The following MAGI1 variants were observed in gnomAD, a reference collection of about 807,000 sequenced individuals.
The protein encoded by MAGI1 is membrane-associated guanylate kinase, WW and PDZ domain-containing protein 1.
MAGI1 carries 58 observed loss-of-function variants against 139.9 expected under a neutral mutation model. The observed-to-expected ratio is 0.41, with a 90% CI of 0.34 to 0.52. The LOEUF is 0.52. Among genes scored for constraint, MAGI1 ranks in the 20% least tolerant of loss-of-function variants. The probability of loss-of-function intolerance (pLI) is 0.12; values close to 1 mark genes in which losing one functional copy is unlikely to be tolerated. For synonymous variants in MAGI1, 812 were observed against 737.9 expected, an observed-to-expected ratio of 1.10 and a Z score of -1.63; for missense variants, 1,874 against 1,901.6, an observed-to-expected ratio of 0.99 and a Z score of 0.27.
At chr3:65,611,023 GTGTA>G (rs199524345) in intron 2 of MAGI1, among the ~76,000 whole-genome samples, 8 of 127,148 alleles carry the variant, frequency 6.3e-5, no homozygotes, top group African/African-American at 1.2e-4. Context: ...TACATATAGT[GTGTA>G]TATAGTATAT....
intron 16 of MAGI1, chr3:65,380,836 T>A (rs908630110): frequency 2.6e-5 from 4 of 152,194 alleles, no homozygotes; most frequent in African/African-American, 9.7e-5. Flanking sequence ...TGGAATAGTA[T>A]GTTAAGAAGG....
At chr3:65,890,108 G>A (rs966507869) in intron 1 of MAGI1, among the ~76,000 whole-genome samples, 1 of 128,014 alleles carries the variant, frequency 7.8e-6, no homozygotes, top group Admixed American at 7.7e-5. Context: ...GCTCACGCCT[G>A]TAATCCCGGC....
At chr3:65,885,657 G>A (rs916605350) in intron 1 of MAGI1, among the ~76,000 whole-genome samples, 5 of 152,012 alleles carry the variant, frequency 3.3e-5, no homozygotes, top group African/African-American at 1.2e-4. Flanking sequence ...GTTTTATAAA[G>A]GGCAGTTCCC....
intron 1 of MAGI1, among the ~76,000 whole-genome samples, chr3:65,857,591 T>G (rs2059413814): frequency 6.6e-6 from 1 of 152,202 alleles, no homozygotes; most frequent in Admixed American, 6.5e-5. Context: ...ATATTTGCCA[T>G]ACCATATCGT....
At chr3:65,662,754 G>A (rs972134679) in intron 1 of MAGI1, among the ~76,000 whole-genome samples, 2 of 151,944 alleles carry the variant, frequency 1.3e-5, no homozygotes, top group Middle Eastern at 3.2e-3. Context: ...TCCAGTATAC[G>A]ATATTATTAA....
At chr3:65,831,394 A>T (rs1216168997) in intron 1 of MAGI1, among the ~76,000 whole-genome samples, 1 of 152,234 alleles carries the variant, frequency 6.6e-6, no homozygotes, top group East Asian at 1.9e-4. Flanking sequence ...TGAAACCCAA[A>T]GCTAGTGAGT....
rs147831736 is a variant in MAGI1 at position 65,652,460 on chromosome 3, T to C, written c.314-30372A>G. Among the ~76,000 whole-genome samples the C allele has an allele frequency of 3.8e-3, 575 of 152,292 alleles. 7 individuals carry two copies. The highest frequency in any genetic ancestry group is 0.013 in the African/African-American group (538 of 41,558). On this transcript the variant is annotated intron_variant, in intron 1 of 22. Transcript: ENST00000402939. The stretch of plus-strand genomic sequence containing the variant: ...ATATGTTAGCGGCACCCCTGGTCTC[T>C]GTCCACAAGACACCACATGCCAGTA...
chr3:65,797,525 C>A (rs998216878), intron 1 of MAGI1, among the ~76,000 whole-genome samples: 1 of 152,082 alleles, frequency 6.6e-6, no homozygotes, highest in African/African-American at 2.4e-5. Context: ...GAGTTCGAGA[C>A]CAGCCTGGGC....
chr3:65,644,543 G>A (rs193229953), intron 1 of MAGI1, among the ~76,000 whole-genome samples: 1 of 151,868 alleles, frequency 6.6e-6, no homozygotes, highest in Non-Finnish European at 1.5e-5. Context: ...CTGAGTGACA[G>A]AGTAAGCCCT....
Position 65,470,323 on chromosome 3 carries a change from C to T in MAGI1, c.919G>A (p.Glu307Lys). Residue 307 changes from glutamate to lysine, a missense_variant, in exon 5 of 23, where the codon GAG (glutamate) becomes AAG (lysine). By Grantham distance (56) the Glu-to-Lys change is moderately conservative. Around this residue, in one of 5 missense-constraint regions of MAGI1, gnomAD observed 648 missense variants for 598.1 expected, o/e 1.08. Coordinates refer to ENST00000402939, the MANE Select transcript of MAGI1 (RefSeq NM_001033057.2). The stretch of plus-strand genomic sequence containing the variant: ...TCTCCATTTTCAGTATAGGCCATCT[C>T]CCAGTTTTCAGGTAGAGGACCTAAA... ...DNLGPLPENW[E>K]MAYTENGEVY... 6.2e-7 allele frequency: 1 copy of T among 1,613,264 alleles called. No individual in the cohort carries two copies. The highest frequency in any genetic ancestry group is 8.5e-7 in the Non-Finnish European group (1 of 1,179,398).
intron 2 of MAGI1, among the ~76,000 whole-genome samples, chr3:65,606,585 T>G (rs138633391): frequency 1.8e-3 from 271 of 152,256 alleles, no homozygotes; most frequent in African/African-American, 6.0e-3. Flanking sequence ...TGGCATGATC[T>G]TTGCTCACTG....
At chr3:65,746,412 T>C (rs910313206) in intron 1 of MAGI1, among the ~76,000 whole-genome samples, 1 of 152,190 alleles carries the variant, frequency 6.6e-6, no homozygotes, top group Non-Finnish European at 1.5e-5. Context: ...GGATGATAAA[T>C]TCTCCTATAT....
chr3:65,993,299 G>A (rs1560091267), intron 1 of MAGI1, among the ~76,000 whole-genome samples: 1 of 152,100 alleles, frequency 6.6e-6, no homozygotes, highest in Non-Finnish European at 1.5e-5. Flanking sequence ...TTTCCCCACT[G>A]AGGCTTAAAA....
At chr3:65,622,433 A>C (rs1296144538) in intron 1 of MAGI1, among the ~76,000 whole-genome samples, 3 of 152,266 alleles carry the variant, frequency 2.0e-5, no homozygotes, top group Non-Finnish European at 4.4e-5. Flanking sequence ...ACCTTAAAGA[A>C]GACAATCCAG....
intron 2 of MAGI1, among the ~76,000 whole-genome samples, chr3:65,604,793 A>G (rs2082657175): frequency 1.3e-5 from 2 of 152,180 alleles, no homozygotes; most frequent in Admixed American, 6.5e-5. Context: ...AAAATCAAAC[A>G]GCAAATGGGG....
intron 3 of MAGI1, among the ~76,000 whole-genome samples, chr3:65,482,606 A>C (rs998355422): frequency 6.6e-6 from 1 of 152,230 alleles, no homozygotes; most frequent in African/African-American, 2.4e-5. Context: ...TCTGTAAACT[A>C]TAAGGTGTTA....
At chr3:65,695,179 G>C (rs538360743) in intron 1 of MAGI1, among the ~76,000 whole-genome samples, 4 of 152,296 alleles carry the variant, frequency 2.6e-5, no homozygotes, top group Non-Finnish European at 5.9e-5. Flanking sequence ...GTAGAAAAAA[G>C]AGGGTCAGAG....
At chr3:65,508,271 G>T (rs2077389412) in intron 2 of MAGI1, among the ~76,000 whole-genome samples, 1 of 152,042 alleles carries the variant, frequency 6.6e-6, no homozygotes, top group Non-Finnish European at 1.5e-5. Context: ...GGGCGTGGCA[G>T]TGGGCGCCTG....
At chr3:65,446,348 C>CT (rs1436934257) in intron 7 of MAGI1, among the ~76,000 whole-genome samples, 1 of 152,210 alleles carries the variant, frequency 6.6e-6, no homozygotes, top group African/African-American at 2.4e-5. Context: ...AATAGCTTGT[C>CT]TAAGTTTGCA....
Sources: gnomAD v4.1 joint callset for allele counts (sites outside exome capture counted in the v4.1 genomes callset) on GRCh38, gnomAD v4.1.1 for gene constraint, gnomAD v4.1.1 regional missense constraint, MANE v1.5 for transcripts, NCBI Gene and HGNC (gene_info 2026-07-23, HGNC 2026-07-21) for gene names.